GALK2: variants seen among roughly 807,000 people sequenced by gnomAD.
The protein encoded by GALK2 is galactokinase 2, also known as N-acetylgalactosamine kinase.
In GALK2, 36 loss-of-function variants were observed where a neutral mutation model predicts 52.4. The ratio of observed to expected loss-of-function variants is 0.69; its 90% confidence interval spans 0.53 to 0.91. The LOEUF (loss-of-function observed/expected upper bound fraction) is 0.91. Among genes scored for constraint, GALK2 ranks in the 40% least tolerant of loss-of-function variants. The pLI, the probability that GALK2 is intolerant of heterozygous loss-of-function variation, is 0.00. For synonymous variants in GALK2, 176 were observed against 199.1 expected (o/e 0.88, Z 0.98); for missense variants, 579 against 559.1 (o/e 1.04, Z -0.36).
In GALK2 at chr15:49,217,179, C is replaced by G; in HGVS notation, c.143-11C>G. ...TTAGCAATGATTAAAAAAGCTTTCT[C>G]TTTTTTCTAGGAGAGCATATAGATT... is the stretch of plus-strand genomic sequence containing the variant. On this transcript the variant is annotated splice_polypyrimidine_tract_variant and intron_variant, in intron 2 of 9. Transcript: ENST00000560031. The G allele has an allele frequency of 6.2e-7, 1 of 1,602,158 alleles. No homozygotes were observed. The highest frequency in any genetic ancestry group is 8.5e-7 in the Non-Finnish European group (1 of 1,173,512).
chr15:49,218,546 G>A (rs114697834), intron 3 of GALK2, among the ~76,000 whole-genome samples: 134 of 152,232 alleles, frequency 8.8e-4, no homozygotes, highest in African/African-American at 3.0e-3. Flanking sequence ...GCAATTAGAG[G>A]TGAATTATCA....
At chr15:49,215,559 C>T (rs1011090453) in intron 2 of GALK2, among the ~76,000 whole-genome samples, 1 of 152,190 alleles carries the variant, frequency 6.6e-6, no homozygotes, top group Non-Finnish European at 1.5e-5. Context: ...TTTTCAGCTG[C>T]AGAATTTCTG....
chr15:49,260,579 C>T (rs2092056304), intron 5 of GALK2, among the ~76,000 whole-genome samples: 1 of 147,370 alleles, frequency 6.8e-6, no homozygotes, highest in African/African-American at 2.5e-5. Context: ...AATTAGATCC[C>T]ATTTGTCAAT....
At chr15:49,327,326 C>T (rs968388401) in intron 9 of GALK2, 27 of 152,282 alleles carry the variant, frequency 1.8e-4, no homozygotes, top group African/African-American at 6.5e-4. Flanking sequence ...TGTGGAAAGG[C>T]TTGGTTAATT....
At chr15:49,345,828 G>A (rs1229764052) in intron 3 of GALK2, among the ~76,000 whole-genome samples, 3 of 152,144 alleles carry the variant, frequency 2.0e-5, no homozygotes, top group East Asian at 1.9e-4. Flanking sequence ...TTTGGAAATT[G>A]TAGGATCCAA....
intron 3 of GALK2, among the ~76,000 whole-genome samples, chr15:49,233,411 AT>A (rs2090616663): frequency 6.6e-6 from 1 of 152,196 alleles, no homozygotes; most frequent in Non-Finnish European, 1.5e-5. Context: ...TTGGCATGAG[AT>A]TTGGGCAGGG....
chr15:49,299,657 A>C (rs960475563), intron 8 of GALK2, among the ~76,000 whole-genome samples: 2 of 151,912 alleles, frequency 1.3e-5, no homozygotes, highest in African/African-American at 2.4e-5. Context: ...TTCAGGAGCA[A>C]GTTGTTTAGT....
intron 9 of GALK2, among the ~76,000 whole-genome samples, chr15:49,326,601 T>TAGAA (rs1335268165): frequency 1.3e-5 from 2 of 152,146 alleles, no homozygotes; most frequent in African/African-American, 4.8e-5. Context: ...TTTGCCAACC[T>TAGAA]AGAAATTTAG....
downstream of GALK2, chr15:49,335,440 C>T (rs1330200460): frequency 2.5e-6 from 4 of 1,612,594 alleles, no homozygotes; most frequent in Non-Finnish European, 3.4e-6. Flanking sequence ...CTTTTGGTTC[C>T]TTGCAAATTG....
intron 5 of GALK2, among the ~76,000 whole-genome samples, chr15:49,258,833 A>AGC (rs1566986837): frequency 2.8e-5 from 4 of 144,434 alleles, no homozygotes; most frequent in African/African-American, 5.5e-5. Flanking sequence ...TGTGTGTGAG[A>AGC]GAGAGAGAGA....
chr15:49,156,444 C>T (rs1206609633), intron 1 of GALK2: 6 of 461,964 alleles, frequency 1.3e-5, no homozygotes, highest in Non-Finnish European at 2.5e-5. Flanking sequence ...AGCCTCCTGC[C>T]AGAGCAGATT....
intron 1 of GALK2, among the ~76,000 whole-genome samples, chr15:49,186,614 A>G (rs967454124): frequency 6.9e-6 from 1 of 145,384 alleles, no homozygotes; most frequent in Non-Finnish European, 1.5e-5. Context: ...ATCTCAGCTC[A>G]CTGCAACCTC....
chr15:49,366,494 A>C (rs1370080705), intron 3 of GALK2: 1 of 1,226,740 alleles, frequency 8.2e-7, no homozygotes, highest in African/African-American at 1.5e-5. Context: ...CAGATTCATC[A>C]AACTAATGGA....
chr15:49,172,164 C>A (rs1194934885), intron 1 of GALK2, among the ~76,000 whole-genome samples: 3 of 152,310 alleles, frequency 2.0e-5, no homozygotes, highest in East Asian at 3.9e-4. Context: ...ATCAACATTT[C>A]TATCTATATT....
At chr15:49,199,390 T>C (rs1207314463) in intron 1 of GALK2, among the ~76,000 whole-genome samples, 2 of 152,126 alleles carry the variant, frequency 1.3e-5, no homozygotes, top group African/African-American at 4.8e-5. Flanking sequence ...TTTGAGGATG[T>C]ATAGAGAAAG....
chr15:49,275,097 C>T (rs77288665), intron 5 of GALK2, among the ~76,000 whole-genome samples: 3,384 of 152,228 alleles, frequency 0.022, 102 homozygotes, highest in South Asian at 0.077. Context: ...ATACATACTA[C>T]ACTTTTATAT....
intron 3 of GALK2, among the ~76,000 whole-genome samples, chr15:49,225,982 C>T (rs376493037): frequency 2.0e-5 from 3 of 152,356 alleles, no homozygotes; most frequent in South Asian, 4.1e-4. Flanking sequence ...GGCTGGTGGG[C>T]AGGAGTGCCT....
chr15:49,160,792 G>A (rs1262859475), intron 1 of GALK2, among the ~76,000 whole-genome samples: 1 of 151,934 alleles, frequency 6.6e-6, no homozygotes, highest in Non-Finnish European at 1.5e-5. Flanking sequence ...CGCTTGAACC[G>A]GGGAGGTGGA....
intron 3 of GALK2, among the ~76,000 whole-genome samples, chr15:49,357,973 C>T (rs1245145469): frequency 3.3e-5 from 5 of 151,750 alleles, no homozygotes; most frequent in African/African-American, 7.3e-5. Flanking sequence ...ATAAACAGAG[C>T]CAAAGACAAA....
Sources: gnomAD v4.1 joint callset for allele counts (sites outside exome capture counted in the v4.1 genomes callset) on GRCh38, gnomAD v4.1.1 for gene constraint, MANE v1.5 for transcripts, NCBI Gene and HGNC (gene_info 2026-07-23, HGNC 2026-07-21) for gene names.